CDYL2: variants seen among roughly 807,000 people sequenced by gnomAD.
The protein encoded by CDYL2 is chromodomain Y like 2, also known as chromodomain Y-like protein 2.
A neutral mutation model predicts 49.4 loss-of-function variants in CDYL2; 23 were observed. That is an observed-to-expected ratio of 0.47 (90% CI 0.34 to 0.66). The LOEUF (loss-of-function observed/expected upper bound fraction) is 0.66. CDYL2 is among the 30% of genes least tolerant of loss of function. CDYL2 has a pLI of 0.01. For synonymous variants in CDYL2, 360 were observed against 268.8 expected, an observed-to-expected ratio of 1.34 and a Z score of -3.32; for missense variants, 678 against 656.4, an observed-to-expected ratio of 1.03 and a Z score of -0.36.
At chr16:80,803,251 G>T (rs1189753040) in intron 1 of CDYL2, among the ~76,000 whole-genome samples, 2 of 152,190 alleles carry the variant, frequency 1.3e-5, no homozygotes, top group East Asian at 3.9e-4. Context: ...CCAGACTAAT[G>T]TCTTCCTTCG....
At chr16:80,690,611 C>T (rs1300428605) in intron 1 of CDYL2, among the ~76,000 whole-genome samples, 4 of 152,236 alleles carry the variant, frequency 2.6e-5, no homozygotes, top group African/African-American at 9.6e-5. Flanking sequence ...AAATCCCATG[C>T]TCTCGGCGAC....
chr16:80,676,423 G>C (rs7192599), intron 2 of CDYL2, among the ~76,000 whole-genome samples: 1 of 152,074 alleles, frequency 6.6e-6, no homozygotes, highest in Non-Finnish European at 1.5e-5. Context: ...AGGCTGCCCC[G>C]GGAACACCCT....
intron 2 of CDYL2, among the ~76,000 whole-genome samples, chr16:80,663,943 T>C (rs72806154): frequency 0.017 from 2,656 of 152,284 alleles, 31 homozygotes; most frequent in Middle Eastern, 0.037. Context: ...AATACAAAAC[T>C]AACCTGATTA....
chr16:80,625,929 A>G (rs1907278201), intron 3 of CDYL2, among the ~76,000 whole-genome samples: 1 of 152,174 alleles, frequency 6.6e-6, no homozygotes, highest in Admixed American at 6.5e-5. Context: ...CCTCACTAAA[A>G]GAACTAAAAA....
At position 80,621,728 on chromosome 16, in the gene CDYL2, G is replaced by A. The variant is rs1243828323; in HGVS notation, c.835-793C>T. Among the ~76,000 whole-genome samples, 4 of 152,236 alleles carry A rather than the reference G, an allele frequency of 2.6e-5. No homozygotes were observed. The East Asian group carries it at 7.7e-4, about 29-fold the overall frequency. On this transcript the variant is annotated intron_variant, in intron 3 of 6. Coordinates refer to ENST00000570137, the MANE Select transcript of CDYL2 (RefSeq NM_152342.4). ...AGTAAAGGTGCCATCTGACATGGAA[G>A]AACTGTGCTGGCCACCCTGCCATCA... is the stretch of plus-strand genomic sequence containing the variant.
chr16:80,747,001 G>A (rs1905955358), intron 1 of CDYL2, among the ~76,000 whole-genome samples: 1 of 152,042 alleles, frequency 6.6e-6, no homozygotes, highest in Admixed American at 6.6e-5. Context: ...ACCTCTCCTG[G>A]GTTTGCCACA....
chr16:80,708,083 G>C (rs1904467260), intron 1 of CDYL2, among the ~76,000 whole-genome samples: 1 of 152,222 alleles, frequency 6.6e-6, no homozygotes. Context: ...GGAGGTTGTA[G>C]AGGATGGTAG....
intron 1 of CDYL2, among the ~76,000 whole-genome samples, chr16:80,803,316 T>C (rs1907983237): frequency 6.6e-6 from 1 of 152,206 alleles, no homozygotes; most frequent in Non-Finnish European, 1.5e-5. Flanking sequence ...CATTAGGACC[T>C]GGAGCCAGGT....
intron 1 of CDYL2, among the ~76,000 whole-genome samples, chr16:80,762,456 G>A (rs959306696): frequency 2.6e-5 from 4 of 152,138 alleles, no homozygotes; most frequent in Non-Finnish European, 5.9e-5. Flanking sequence ...TGAACACGGT[G>A]GGCAACGCTA....
At chr16:80,754,572 C>G (rs544211425) in intron 1 of CDYL2, among the ~76,000 whole-genome samples, 1 of 152,280 alleles carries the variant, frequency 6.6e-6, no homozygotes, top group East Asian at 1.9e-4. Context: ...GGCAGTCTAG[C>G]GTCCACCCTC....
intron 1 of CDYL2, among the ~76,000 whole-genome samples, chr16:80,749,847 C>A (rs1906069300): frequency 1.3e-5 from 2 of 152,114 alleles, no homozygotes; most frequent in Admixed American, 1.3e-4. Context: ...AAATGTCCAT[C>A]AATGATAGAC....
At chr16:80,642,206 G>A (rs927601141) in intron 2 of CDYL2, among the ~76,000 whole-genome samples, 1 of 152,204 alleles carries the variant, frequency 6.6e-6, no homozygotes, top group South Asian at 2.1e-4. Flanking sequence ...ACTTTGGGAG[G>A]CCGAGGTGGG....
chr16:80,637,013 T>C (rs2050084075), intron 2 of CDYL2, among the ~76,000 whole-genome samples: 1 of 152,092 alleles, frequency 6.6e-6, no homozygotes, highest in South Asian at 2.1e-4. Context: ...TGAGAACACA[T>C]GGATACAGGG....
At chr16:80,785,748 C>T in intron 1 of CDYL2, among the ~76,000 whole-genome samples, 1 of 152,174 alleles carries the variant, frequency 6.6e-6, no homozygotes, top group East Asian at 1.9e-4. Flanking sequence ...CAGCATAGTA[C>T]TGGTACCAAA....
At chr16:80,613,594 T>C (rs775913978) in intron 4 of CDYL2, among the ~76,000 whole-genome samples, 1 of 152,202 alleles carries the variant, frequency 6.6e-6, no homozygotes, top group African/African-American at 2.4e-5. Flanking sequence ...GACTGGGCAA[T>C]ATTTTCTCTC....
rs373741231 is a variant in CDYL2 at position 80,628,512 on chromosome 16, G to A, written c.834+4507C>T. ...TGAATTCTCCTCCAGTTGAGCCTTC[G>A]TGTGAGACTGCAGCCCCAGCCTCCA... On this transcript the variant is annotated intron_variant, in intron 3 of 6. Coordinates refer to ENST00000570137, the MANE Select transcript of CDYL2 (RefSeq NM_152342.4). 11 of 152,416 alleles carry A rather than the reference G, an allele frequency of 7.2e-5. No homozygotes were observed. The South Asian group carries it at 8.3e-4, about 11-fold the overall frequency. 9.4% of individuals were successfully genotyped at this position (152,416 alleles called of 1,614,324 possible).
chr16:80,797,275 C>T (rs918360453), intron 1 of CDYL2, among the ~76,000 whole-genome samples: 1 of 152,202 alleles, frequency 6.6e-6, no homozygotes, highest in African/African-American at 2.4e-5. Flanking sequence ...TCCACTCCCT[C>T]CACTCCCTCC....
chr16:80,784,188 G>T (rs189401940), intron 1 of CDYL2, among the ~76,000 whole-genome samples: 2 of 151,886 alleles, frequency 1.3e-5, no homozygotes, highest in African/African-American at 4.8e-5. Flanking sequence ...TTCCATTTAA[G>T]TTATTCCTTC....
At chr16:80,715,976 C>T (rs1904785267) in intron 1 of CDYL2, among the ~76,000 whole-genome samples, 1 of 152,234 alleles carries the variant, frequency 6.6e-6, no homozygotes, top group African/African-American at 2.4e-5. Flanking sequence ...TGTCGCCGAC[C>T]TGTGGTTACG....
Sources: allele counts gnomAD v4.1 joint callset (sites outside exome capture counted in the v4.1 genomes callset), GRCh38; gene constraint gnomAD v4.1.1; transcripts MANE v1.5; gene names NCBI Gene and HGNC (gene_info 2026-07-23, HGNC 2026-07-21).